Variants in LHFPL3 observed in about 807,000 individuals in gnomAD.
The protein encoded by LHFPL3 is LHFPL tetraspan subfamily member 3, also known as LHFPL tetraspan subfamily member 3 protein.
LHFPL3 carries 5 observed loss-of-function variants against 19.3 expected under a neutral mutation model. The ratio of observed to expected loss-of-function variants is 0.26; its 90% CI spans 0.14 to 0.54. The LOEUF (loss-of-function observed/expected upper bound fraction) is 0.54, where lower values mean the gene tolerates loss of function less well. LHFPL3 is among the 20% of genes least tolerant of loss of function. The pLI is 0.94. For missense variants in LHFPL3, 249 were observed against 307.4 expected, an observed-to-expected ratio of 0.81 and a Z score of 1.42; for synonymous variants, 133 against 126.2, an observed-to-expected ratio of 1.05 and a Z score of -0.36.
intron 1 of LHFPL3, among the ~76,000 whole-genome samples, chr7:104,491,291 T>C (rs1409966635): frequency 2.0e-5 from 3 of 152,120 alleles, no homozygotes; most frequent in Admixed American, 2.0e-4. Flanking sequence ...TGATAACTTT[T>C]GGGCAAGCTT....
intron 1 of LHFPL3, among the ~76,000 whole-genome samples, chr7:104,420,824 A>G (rs1002846711): frequency 2.0e-5 from 3 of 152,110 alleles, no homozygotes; most frequent in Non-Finnish European, 4.4e-5. Flanking sequence ...GGCCTCCCAA[A>G]GTGCTGGGAT....
intron 1 of LHFPL3, among the ~76,000 whole-genome samples, chr7:104,643,752 C>T (rs1791879779): frequency 6.6e-6 from 1 of 152,202 alleles, no homozygotes; most frequent in South Asian, 2.1e-4. Flanking sequence ...ACTGGTTTTG[C>T]TTAAATTTAG....
At chr7:104,508,609 TAAAAA>T (rs66573135) in intron 1 of LHFPL3, among the ~76,000 whole-genome samples, 40 of 117,622 alleles carry the variant, frequency 3.4e-4, no homozygotes, top group African/African-American at 1.1e-3. Context: ...TAAAGTATAA[TAAAAA>T]AAAATATATA....
At chr7:104,614,657 T>TCTCCTC (rs756087377) in intron 1 of LHFPL3, among the ~76,000 whole-genome samples, 8 of 82,414 alleles carry the variant, frequency 9.7e-5, no homozygotes, top group African/African-American at 2.5e-4. Context: ...TCTTCTCTCC[T>TCTCCTC]TCCTTCCTTC....
At chr7:104,543,343 G>A (rs1286483444) in intron 1 of LHFPL3, among the ~76,000 whole-genome samples, 1 of 152,120 alleles carries the variant, frequency 6.6e-6, no homozygotes, top group African/African-American at 2.4e-5. Flanking sequence ...AACCATTGTG[G>A]AAGTCAGTGT....
intron 2 of LHFPL3, among the ~76,000 whole-genome samples, chr7:104,815,806 C>A (rs1348042164): frequency 6.6e-6 from 1 of 152,124 alleles, no homozygotes; most frequent in Non-Finnish European, 1.5e-5. Flanking sequence ...GCACACATGG[C>A]TTATTGGGAG....
intron 1 of LHFPL3, among the ~76,000 whole-genome samples, chr7:104,485,166 G>A (rs751287405): frequency 4.0e-5 from 6 of 151,866 alleles, no homozygotes; most frequent in Non-Finnish European, 7.4e-5. Flanking sequence ...CCTGTCTCCC[G>A]TATCTTATTC....
intron 1 of LHFPL3, among the ~76,000 whole-genome samples, chr7:104,598,512 A>G (rs1790906670): frequency 6.6e-6 from 1 of 152,254 alleles, no homozygotes; most frequent in Non-Finnish European, 1.5e-5. Flanking sequence ...GTAAAATCAT[A>G]GCAGTGAAGA....
At chr7:104,446,538 G>A (rs1428985585) in intron 1 of LHFPL3, among the ~76,000 whole-genome samples, 1 of 151,932 alleles carries the variant, frequency 6.6e-6, no homozygotes, top group African/African-American at 2.4e-5. Context: ...ATGTTTCATA[G>A]ATTTTCTAGT....
At chr7:104,331,510 C>T (rs1801566572) in intron 1 of LHFPL3, among the ~76,000 whole-genome samples, 1 of 147,954 alleles carries the variant, frequency 6.8e-6, no homozygotes, top group Non-Finnish European at 1.5e-5. Context: ...AAGGATCTGT[C>T]ACTCATTCAC....
chr7:104,453,964 A>G (rs1377387478), intron 1 of LHFPL3, among the ~76,000 whole-genome samples: 1 of 152,166 alleles, frequency 6.6e-6, no homozygotes, highest in Admixed American at 6.5e-5. Flanking sequence ...CAGAACTGTG[A>G]GCCACTTAAA....
intron 1 of LHFPL3, among the ~76,000 whole-genome samples, chr7:104,332,946 G>GAAA (rs3080461): frequency 8.8e-5 from 13 of 148,430 alleles, no homozygotes; most frequent in South Asian, 2.1e-4. Flanking sequence ...TCTTCAGAAG[G>GAAA]AAAAAAAAAA....
At chr7:104,540,536 A>T (rs1366165614) in intron 1 of LHFPL3, among the ~76,000 whole-genome samples, 2 of 152,224 alleles carry the variant, frequency 1.3e-5, no homozygotes, top group Non-Finnish European at 2.9e-5. Context: ...GTCTGCAGAA[A>T]GTTAATTTCG....
intron 1 of LHFPL3, among the ~76,000 whole-genome samples, chr7:104,473,924 A>T (rs1220254013): frequency 6.6e-6 from 1 of 152,112 alleles, no homozygotes; most frequent in African/African-American, 2.4e-5. Context: ...ATAAAGCTCT[A>T]TGACACACAT....
At chr7:104,494,206 A>C (rs1470772912) in intron 1 of LHFPL3, among the ~76,000 whole-genome samples, 1 of 152,186 alleles carries the variant, frequency 6.6e-6, no homozygotes, top group Non-Finnish European at 1.5e-5. Flanking sequence ...CAACTAACAT[A>C]TATTATTTTA....
At chr7:104,820,745 A>AC (rs759410629) in intron 2 of LHFPL3, among the ~76,000 whole-genome samples, 28 of 150,502 alleles carry the variant, frequency 1.9e-4, no homozygotes, top group African/African-American at 5.9e-4. Context: ...CACCTTAACC[A>AC]CCCCCCCAGA....
At chr7:104,727,210 G>A (rs188016113) in intron 1 of LHFPL3, among the ~76,000 whole-genome samples, 21 of 152,110 alleles carry the variant, frequency 1.4e-4, no homozygotes, top group East Asian at 1.4e-3. Context: ...AAAGTCCCTC[G>A]TAGATTCTAA....
chr7:104,426,375 T>C (rs1166727781), intron 1 of LHFPL3, among the ~76,000 whole-genome samples: 1 of 152,020 alleles, frequency 6.6e-6, no homozygotes, highest in Non-Finnish European at 1.5e-5. Context: ...TCCTGCCTCA[T>C]CCTCCCTAGT....
chr7:104,380,537 A>T (rs1478150657), intron 1 of LHFPL3, among the ~76,000 whole-genome samples: 1 of 152,156 alleles, frequency 6.6e-6, no homozygotes, highest in Non-Finnish European at 1.5e-5. Context: ...AATTAATGAA[A>T]ATATCTGTAA....
Sources: allele counts gnomAD v4.1 joint callset (sites outside exome capture counted in the v4.1 genomes callset), GRCh38; gene constraint gnomAD v4.1.1; transcripts MANE v1.5; gene names NCBI Gene and HGNC (gene_info 2026-07-23, HGNC 2026-07-21).